The following MAP2K5 variants were observed in gnomAD, a reference collection of about 807,000 sequenced individuals.
MAP2K5 encodes the protein mitogen-activated protein kinase kinase 5, also known as dual specificity mitogen-activated protein kinase kinase 5.
In MAP2K5, 49 loss-of-function variants were observed where a neutral mutation model predicts 83.1. The observed-to-expected ratio is 0.59, with a 90% CI of 0.47 to 0.75. MAP2K5 has a LOEUF of 0.75. Among genes scored for constraint, MAP2K5 ranks in the 30% least tolerant of loss-of-function variants. The probability of loss-of-function intolerance (pLI) is 0.00; values close to 1 mark genes in which losing one functional copy is unlikely to be tolerated. For synonymous variants in MAP2K5, 202 were observed against 191.8 expected, an observed-to-expected ratio of 1.05 and a Z score of -0.44; for missense variants, 457 against 557.5, an observed-to-expected ratio of 0.82 and a Z score of 1.82.
intron 1 of MAP2K5, among the ~76,000 whole-genome samples, chr15:67,549,765 T>C (rs567395334): frequency 6.6e-6 from 1 of 152,284 alleles, no homozygotes; most frequent in Non-Finnish European, 1.5e-5. Flanking sequence ...TACATGACGG[T>C]TTATTTGTAT....
chr15:67,600,394 A>G (rs959291627), intron 7 of MAP2K5, among the ~76,000 whole-genome samples: 3 of 152,190 alleles, frequency 2.0e-5, no homozygotes, highest in Non-Finnish European at 4.4e-5. Context: ...TCTTATCAGT[A>G]TCTCTGACCT....
chr15:67,565,958 A>G lies in MAP2K5; in HGVS notation c.252+2608A>G, dbSNP rs2084829611. On this transcript the variant is annotated intron_variant, in intron 3 of 21. Coordinates refer to ENST00000178640, the MANE Select transcript of MAP2K5 (RefSeq NM_145160.3). This position sits in a 1 kb window ranked among gnomAD's most constrained non-coding sequence, Gnocchi z 4.1. ...TCTTGGTTCTTATGATTGAAATTTA[A>G]GGAGAACCATTTGGACGTAACCTTA... 6.6e-6 allele frequency among the ~76,000 whole-genome samples: 1 copy of G among 152,138 alleles called. No individual in the cohort carries two copies. Among genetic ancestry groups the G allele is most frequent in the African/African-American group, 2.4e-5 (1 of 41,440 alleles).
intron 11 of MAP2K5, among the ~76,000 whole-genome samples, chr15:67,656,380 A>G (rs555550961): frequency 1.3e-3 from 197 of 149,480 alleles, no homozygotes; most frequent in Non-Finnish European, 2.3e-3. Flanking sequence ...GATGTAGTGC[A>G]GTGGCGCAGT....
Position 67,714,456 on chromosome 15 carries a change from C to A in MAP2K5, c.1044+11048C>A, listed in dbSNP as rs1485882040. Among the ~76,000 whole-genome samples, 141 of 112,348 alleles carry A rather than the reference C, an allele frequency of 1.3e-3. 1 individual carries two copies. The highest frequency in any genetic ancestry group is 4.3e-3 in the African/African-American group (122 of 28,522). The allele number at this position is 112,348 out of a possible 152,430, so 73.7% of individuals were successfully genotyped here. ...AAAAAAAAAAAAAAAAAAAAAAAAA[C>A]CACCACCCTGACACAGCTGTTTCTA... On this transcript the variant is annotated intron_variant, in intron 16 of 21. Transcript: ENST00000178640.
At chr15:67,695,937 A>G (rs946064678) in intron 15 of MAP2K5, among the ~76,000 whole-genome samples, 1 of 152,164 alleles carries the variant, frequency 6.6e-6, no homozygotes, top group Admixed American at 6.5e-5. Context: ...AGATACCTAG[A>G]AAAGGAGCAA....
chr15:67,723,655 C>T (rs1270014442), intron 16 of MAP2K5, among the ~76,000 whole-genome samples: 1 of 152,050 alleles, frequency 6.6e-6, no homozygotes, highest in Non-Finnish European at 1.5e-5. Context: ...AAATCTTTTA[C>T]GATGTGAGCT....
intron 8 of MAP2K5, among the ~76,000 whole-genome samples, chr15:67,606,103 C>A (rs2085773337): frequency 6.6e-6 from 1 of 152,208 alleles, no homozygotes; most frequent in Non-Finnish European, 1.5e-5. Context: ...CAAAGCCAGT[C>A]TCTCAGACTC....
chr15:67,558,570 A>G (rs572975264), intron 2 of MAP2K5, among the ~76,000 whole-genome samples: 1 of 152,312 alleles, frequency 6.6e-6, no homozygotes, highest in East Asian at 1.9e-4. Flanking sequence ...TAAAAGACCA[A>G]GTCCTTAAAA....
chr15:67,704,718 A>G (rs1284342053), intron 16 of MAP2K5, among the ~76,000 whole-genome samples: 4 of 152,242 alleles, frequency 2.6e-5, no homozygotes, highest in Non-Finnish European at 5.9e-5. Context: ...GAGTCTCCCA[A>G]CAGAATCCAC....
intron 3 of MAP2K5, among the ~76,000 whole-genome samples, chr15:67,569,219 C>G (rs1672400046): frequency 6.6e-6 from 1 of 152,154 alleles, no homozygotes; most frequent in Non-Finnish European, 1.5e-5. Flanking sequence ...ATGGTGCTTT[C>G]AAATATGCCA....
At position 67,636,407 on chromosome 15, in the gene MAP2K5, CAAA is replaced by C. The variant is rs566333001; in HGVS notation, c.585+5493_585+5495del. Among the ~76,000 whole-genome samples the C allele has an allele frequency of 2.7e-5, 3 of 109,394 alleles. No homozygotes were observed. The highest frequency in any genetic ancestry group is 3.9e-5 in the Non-Finnish European group (2 of 51,780). 71.8% of individuals were successfully genotyped at this position (109,394 alleles called of 152,430 possible). On this transcript the variant is annotated intron_variant, in intron 9 of 21. Coordinates refer to ENST00000178640, the MANE Select transcript of MAP2K5 (RefSeq NM_145160.3). The surrounding 1 kb of genome is among the most constrained non-coding windows in gnomAD (Gnocchi z 4.7). ...TGGGCAACAGAATAAGACTCCGTCT[CAAA>C]AAAAAAAAAAAAGTATGAAATATAG...
intron 3 of MAP2K5, 74 bp from the exon 4 acceptor site, chr15:67,580,680 A>G: frequency 2.1e-6 from 2 of 957,604 alleles, no homozygotes; most frequent in Admixed American, 1.7e-5. Flanking sequence ...AGTACTGTGA[A>G]TTAAACAACC....
rs1445983706 is a variant in MAP2K5, at chr15:67,764,976, T to C, written c.1135-4626T>C. ...TTTAAACTTTCTATTTTGACGTAATTTTTAGATTTACATACAGTTGTAAGA... is the reference window on the plus strand; with the variant it reads ...TTTAAACTTTCTATTTTGACGTAATCTTTAGATTTACATACAGTTGTAAGA... On this transcript the variant is annotated intron_variant, in intron 19 of 21. Coordinates refer to ENST00000178640, the MANE Select transcript of MAP2K5 (RefSeq NM_145160.3). The surrounding 1 kb of genome is among the most constrained non-coding windows in gnomAD (Gnocchi z 4.9). 6.6e-6 allele frequency among the ~76,000 whole-genome samples: 1 copy of C among 152,228 alleles called. No homozygotes were observed. The highest frequency in any genetic ancestry group is 6.5e-5 in the Admixed American group (1 of 15,288).
intron 19 of MAP2K5, among the ~76,000 whole-genome samples, chr15:67,767,321 CAT>C (rs2090058824): frequency 6.6e-6 from 1 of 152,196 alleles, no homozygotes; most frequent in Non-Finnish European, 1.5e-5. Flanking sequence ...ACATTAGCAT[CAT>C]GTTTTATACC....
chr15:67,622,526 G>T (rs2086210489), intron 8 of MAP2K5, among the ~76,000 whole-genome samples: 1 of 151,640 alleles, frequency 6.6e-6, no homozygotes, highest in South Asian at 2.1e-4. Flanking sequence ...TTAAATGCAT[G>T]TGGATTTTTT....
intron 8 of MAP2K5, chr15:67,628,781 G>A (rs926112806): frequency 4.8e-5 from 36 of 754,198 alleles, no homozygotes; most frequent in Middle Eastern, 7.3e-4. Flanking sequence ...CTTTGGTGGT[G>A]GTTGTGGAGG....
At chr15:67,624,617 G>C (rs974519762) in intron 8 of MAP2K5, among the ~76,000 whole-genome samples, 1 of 150,896 alleles carries the variant, frequency 6.6e-6, no homozygotes. Flanking sequence ...GTGTGTGTGT[G>C]TGTGTGTGTG....
intron 12 of MAP2K5, among the ~76,000 whole-genome samples, chr15:67,663,472 A>G (rs1465738823): frequency 5.3e-5 from 8 of 152,156 alleles, no homozygotes; most frequent in African/African-American, 1.9e-4. Flanking sequence ...CATTCAAGTT[A>G]AATCCGTTAC....
intron 2 of MAP2K5, among the ~76,000 whole-genome samples, chr15:67,556,114 ATT>A (rs1448281065): frequency 6.6e-6 from 1 of 151,854 alleles, no homozygotes; most frequent in Non-Finnish European, 1.5e-5. Flanking sequence ...TCTATAAACT[ATT>A]TGTCGTCTTT....
Sources: gnomAD v4.1 joint callset for allele counts (sites outside exome capture counted in the v4.1 genomes callset) on GRCh38, gnomAD v4.1.1 for gene constraint, Gnocchi (gnomAD v3.1) non-coding constraint, MANE v1.5 for transcripts, NCBI Gene and HGNC (gene_info 2026-07-23, HGNC 2026-07-21) for gene names.